NUFIP1: variants seen among roughly 807,000 people sequenced by gnomAD.
The protein encoded by NUFIP1 is FMR1-interacting protein NUFIP1.
Under a neutral mutation model 56.2 loss-of-function variants are expected in NUFIP1, and 38 were observed. The observed-to-expected ratio is 0.68, with a 90% CI of 0.52 to 0.89. The LOEUF (loss-of-function observed/expected upper bound fraction) is 0.89, where lower values mean the gene tolerates loss of function less well. NUFIP1 is among the 40% of genes least tolerant of loss of function. NUFIP1 has a pLI of 0.00. For synonymous variants in NUFIP1, 215 were observed against 212.4 expected, an observed-to-expected ratio of 1.01 and a Z score of -0.10; for missense variants, 567 against 605.8, an observed-to-expected ratio of 0.94 and a Z score of 0.67.
chr13:44,962,425 A>C (rs1428369708), intron 6 of NUFIP1, among the ~76,000 whole-genome samples: 1 of 152,164 alleles, frequency 6.6e-6, no homozygotes, highest in African/African-American at 2.4e-5. Flanking sequence ...GGACAACACC[A>C]CACTATCTTC....
intron 5 of NUFIP1, among the ~76,000 whole-genome samples, chr13:44,976,985 G>A (rs960856884): frequency 2.0e-5 from 3 of 152,114 alleles, no homozygotes; most frequent in African/African-American, 7.2e-5. Context: ...ACCTCCCAAA[G>A]GTTCCCACCT....
At chr13:44,956,504 T>C (rs1421079657) in intron 7 of NUFIP1, among the ~76,000 whole-genome samples, 4 of 152,176 alleles carry the variant, frequency 2.6e-5, no homozygotes, top group Non-Finnish European at 5.9e-5. Context: ...TATAAAATAA[T>C]TGTACAATGC....
rs183237589 is a variant in NUFIP1, at chr13:44,988,631, A to G, written c.412+394T>C. ...TTTTTTGTATGTTCTGCTCACTGCTATATACCCAGATTCTGGTACATAGTC... is the reference window on the plus strand; with the variant it reads ...TTTTTTGTATGTTCTGCTCACTGCTGTATACCCAGATTCTGGTACATAGTC... On this transcript the variant is annotated intron_variant, in intron 1 of 9. Coordinates refer to ENST00000379161, the MANE Select transcript of NUFIP1 (RefSeq NM_012345.3). 3.7e-4 allele frequency among the ~76,000 whole-genome samples: 56 copies of G among 152,318 alleles called. 1 individual carries two copies. Among genetic ancestry groups the G allele is most frequent in the Non-Finnish European group, 7.2e-4 (49 of 68,036 alleles).
intron 6 of NUFIP1, among the ~76,000 whole-genome samples, chr13:44,960,013 C>A (rs1215160465): frequency 6.6e-6 from 1 of 151,334 alleles, no homozygotes; most frequent in African/African-American, 2.4e-5. Context: ...CTCACTGCAA[C>A]CTCCACCTCC....
intron 5 of NUFIP1, 32 bp downstream of exon 5, chr13:44,979,156 AAC>A (rs1404512654): frequency 6.6e-6 from 10 of 1,522,870 alleles, no homozygotes; most frequent in Non-Finnish European, 9.0e-6. Context: ...GTCACAGTAA[AAC>A]AGTTATTTCA....
intron 8 of NUFIP1, among the ~76,000 whole-genome samples, chr13:44,947,623 A>G (rs999500119): frequency 3.3e-5 from 5 of 152,254 alleles, no homozygotes; most frequent in Non-Finnish European, 5.9e-5. Context: ...TTCCAATTTA[A>G]AATGATGGCA....
At chr13:44,953,075 T>C (rs1457222960) in intron 7 of NUFIP1, among the ~76,000 whole-genome samples, 1 of 152,182 alleles carries the variant, frequency 6.6e-6, no homozygotes, top group Non-Finnish European at 1.5e-5. Context: ...CTGGCAATGT[T>C]GACCTTGACC....
intron 8 of NUFIP1, among the ~76,000 whole-genome samples, chr13:44,944,179 G>C (rs190778231): frequency 1.2e-4 from 18 of 152,260 alleles, no homozygotes; most frequent in African/African-American, 3.6e-4. Flanking sequence ...GATATCATTT[G>C]AAAGTACACG....
At chr13:44,979,386 G>C (rs1428357256) in intron 4 of NUFIP1, 120 bp from the exon 5 acceptor site, 3 of 699,412 alleles carry the variant, frequency 4.3e-6, no homozygotes, top group African/African-American at 1.8e-5. Flanking sequence ...AAGTAAGCAG[G>C]TTGTATCTAT....
chr13:44,969,812 C>T (rs1468197341), intron 5 of NUFIP1, among the ~76,000 whole-genome samples: 1 of 152,194 alleles, frequency 6.6e-6, no homozygotes, highest in African/African-American at 2.4e-5. Flanking sequence ...TCCTTATGCT[C>T]AAATCACGAC....
chr13:44,980,360 A>G (rs980472500), intron 3 of NUFIP1, among the ~76,000 whole-genome samples: 3 of 152,216 alleles, frequency 2.0e-5, no homozygotes, highest in African/African-American at 7.2e-5. Flanking sequence ...TTTGAGGGTG[A>G]TAGGCACAGC....
chr13:44,985,448 C>T (rs930716650), intron 1 of NUFIP1, among the ~76,000 whole-genome samples: 18 of 152,318 alleles, frequency 1.2e-4, no homozygotes, highest in South Asian at 8.3e-4. Flanking sequence ...CACTGCACTT[C>T]GTTTTACACA....
In NUFIP1 at chr13:44,941,395, T is replaced by C. The variant is rs1870730800; in HGVS notation, c.1372-73A>G. On this transcript the variant is annotated intron_variant, in intron 9 of 9. Transcript: ENST00000379161. ...GGGAAATACAATCTAAAATATTGCA[T>C]GTACCCTCACCATATAAAGAAGACA... The C allele has an allele frequency of 6.2e-6, 5 of 808,032 alleles. No homozygotes were observed. The East Asian group carries it at 7.6e-5, about 12-fold the overall frequency. The allele number at this position is 808,032 out of a possible 1,614,324, so 50.1% of individuals were successfully genotyped here.
intron 5 of NUFIP1, among the ~76,000 whole-genome samples, chr13:44,978,074 C>T (rs1314396889): frequency 6.6e-6 from 1 of 152,154 alleles, no homozygotes; most frequent in Non-Finnish European, 1.5e-5. Flanking sequence ...CTAACTGTCC[C>T]TTCACCCTTA....
At chr13:44,973,214 T>C (rs1185481698) in intron 5 of NUFIP1, among the ~76,000 whole-genome samples, 2 of 150,706 alleles carry the variant, frequency 1.3e-5, no homozygotes, top group East Asian at 4.0e-4. Context: ...CATTAATACT[T>C]TAAAATACGG....
In NUFIP1 at chr13:44,956,631, C is replaced by T. The variant is rs572812644; in HGVS notation, c.1021+2750G>A. 1.6e-4 allele frequency among the ~76,000 whole-genome samples: 24 copies of T among 152,292 alleles called. No homozygotes were observed. In the South Asian group the frequency reaches 5.0e-3, roughly 32 times the overall value. On this transcript the variant is annotated intron_variant, in intron 7 of 9. Transcript: ENST00000379161. The stretch of plus-strand genomic sequence containing the variant: ...AGGCATTAGATTCTCATAAGAAGCA[C>T]ACAACCTAAATCCCTCACGTGCACA...
intron 7 of NUFIP1, among the ~76,000 whole-genome samples, chr13:44,958,801 A>G (rs756720527): frequency 3.3e-5 from 5 of 152,244 alleles, no homozygotes; most frequent in South Asian, 4.1e-4. Flanking sequence ...CAAAGGCTAA[A>G]TGATATCTGT....
At chr13:44,959,040 A>G (rs1162404669) in intron 7 of NUFIP1, among the ~76,000 whole-genome samples, 1 of 152,230 alleles carries the variant, frequency 6.6e-6, no homozygotes, top group East Asian at 1.9e-4. Flanking sequence ...TTATAGGTAA[A>G]GGGAAAATCC....
chr13:44,978,299 C>A (rs1192315405), intron 5 of NUFIP1, among the ~76,000 whole-genome samples: 2 of 152,130 alleles, frequency 1.3e-5, no homozygotes, highest in Non-Finnish European at 2.9e-5. Flanking sequence ...CTAAGGCGAG[C>A]CAAGTACAAA....
Sources: allele counts gnomAD v4.1 joint callset (sites outside exome capture counted in the v4.1 genomes callset), GRCh38; gene constraint gnomAD v4.1.1; transcripts MANE v1.5; gene names NCBI Gene and HGNC (gene_info 2026-07-23, HGNC 2026-07-21).